The following SLC12A7 variants were observed in gnomAD, a reference collection of about 807,000 sequenced individuals.
The protein encoded by SLC12A7 is solute carrier family 12 member 7, also known as K-Cl cotransporter 4.
SLC12A7 carries 100 observed loss-of-function variants against 120.6 expected under a neutral mutation model. The observed-to-expected ratio is 0.83, with a 90% CI of 0.71 to 0.98. The LOEUF (loss-of-function observed/expected upper bound fraction) is 0.98, where lower values mean the gene tolerates loss of function less well. Among genes scored for constraint, SLC12A7 ranks in the 50% least tolerant of loss-of-function variants. SLC12A7 has a pLI of 0.00. For synonymous variants in SLC12A7, 760 were observed against 678.0 expected, an observed-to-expected ratio of 1.12 and a Z score of -1.88; for missense variants, 1,373 against 1,548.1, an observed-to-expected ratio of 0.89 and a Z score of 1.90.
chr5:1,100,997 C>T (rs1729633189), intron 1 of SLC12A7, among the ~76,000 whole-genome samples: 1 of 152,180 alleles, frequency 6.6e-6, no homozygotes, highest in African/African-American at 2.4e-5. Flanking sequence ...GAGCCCCGCA[C>T]CCATGGCCAG....
intron 3 of SLC12A7, among the ~76,000 whole-genome samples, chr5:1,091,603 A>G (rs1044384926): frequency 2.0e-5 from 3 of 152,206 alleles, no homozygotes; most frequent in Non-Finnish European, 4.4e-5. Flanking sequence ...GGTAGTGCCC[A>G]GCATGCGTGA....
rs573935922 is a variant in SLC12A7 at position 1,065,054 on chromosome 5, GGGGGACAGTGA to G, written c.2437+218_2437+228del. Among the ~76,000 whole-genome samples, 39 of 120,068 alleles carry G rather than the reference GGGGGACAGTGA, an allele frequency of 3.2e-4. No individual in the cohort carries two copies. In the East Asian group the frequency reaches 0.01, roughly 31 times the overall value. 78.8% of individuals were successfully genotyped at this position (120,068 alleles called of 152,430 possible). ...TGAGGGGACAGCGAGGGGAGGCAGA[GGGGGACAGTGA>G]GGGGACAGCAAGGGGACACTGAGGA... is the stretch of plus-strand genomic sequence containing the variant. On this transcript the variant is annotated intron_variant, in intron 18 of 23. Coordinates refer to ENST00000264930, the MANE Select transcript of SLC12A7 (RefSeq NM_006598.3).
At chr5:1,078,967 CGCCACAGAACGGG>C (rs1298285056) in intron 10 of SLC12A7, among the ~76,000 whole-genome samples, 1 of 152,146 alleles carries the variant, frequency 6.6e-6, no homozygotes, top group Non-Finnish European at 1.5e-5. Context: ...CTCTGTCCAG[CGCCACAGAACGGG>C]GCCCTGGGGT....
the SLC12A7 span, among the ~76,000 whole-genome samples, chr5:1,118,530 A>G: frequency 2.6e-5 from 4 of 152,328 alleles, 1 homozygote; most frequent in African/African-American, 9.6e-5. Flanking sequence ...CCCTCGCCAG[A>G]CACAGATGAG....
At chr5:1,058,664 G>T (rs34036146) in intron 21 of SLC12A7, among the ~76,000 whole-genome samples, 3 of 152,124 alleles carry the variant, frequency 2.0e-5, no homozygotes, top group South Asian at 2.1e-4. Context: ...TGGCACAGAT[G>T]GGGGAGGGCC....
chr5:1,106,493 A>C (rs1317647820), intron 1 of SLC12A7, among the ~76,000 whole-genome samples: 2 of 149,656 alleles, frequency 1.3e-5, no homozygotes, highest in Non-Finnish European at 3.0e-5. Flanking sequence ...ATATTCCAAC[A>C]GGGATGGTAA....
intron 20 of SLC12A7, among the ~76,000 whole-genome samples, chr5:1,061,219 C>CGGA (rs1736210646): frequency 5.6e-5 from 1 of 17,870 alleles, no homozygotes; most frequent in African/African-American, 6.7e-5. Context: ...GCGTCTCACC[C>CGGA]ACCGCACCCG....
the SLC12A7 span, among the ~76,000 whole-genome samples, chr5:1,151,969 C>T: frequency 0.013 from 1,989 of 152,284 alleles, 47 homozygotes; most frequent in African/African-American, 0.046. The surrounding 1 kb of genome is among the most constrained non-coding windows in gnomAD (Gnocchi z 6.2). Flanking sequence ...GGGCTGTCAT[C>T]GGCATCCCTT....
chr5:1,073,894 G>A (rs879201252), intron 16 of SLC12A7, 93 bp from the exon 17 acceptor site: 51 of 1,203,774 alleles, frequency 4.2e-5, no homozygotes, highest in African/African-American at 3.3e-4. Context: ...CGGGGCACAC[G>A]ACACAGGTGG....
chr5:1,147,593 C>T, the SLC12A7 span, among the ~76,000 whole-genome samples: 3 of 152,188 alleles, frequency 2.0e-5, no homozygotes, highest in Non-Finnish European at 4.4e-5. Flanking sequence ...GCCTTCACGT[C>T]TTCAGCTTAA....
chr5:1,076,093 G>A (rs762256591), intron 14 of SLC12A7, 45 bp downstream of exon 14: 1 of 1,521,308 alleles, frequency 6.6e-7, no homozygotes, highest in Non-Finnish European at 9.0e-7. Context: ...GGCACCCAGT[G>A]TCCCAGCCTG....
At chr5:1,091,767 G>A (rs965125914) in intron 3 of SLC12A7, among the ~76,000 whole-genome samples, 1 of 150,102 alleles carries the variant, frequency 6.7e-6, no homozygotes, top group East Asian at 2.0e-4. Context: ...CAGCGTCCAC[G>A]TGCAGAAAGG....
intron 22 of SLC12A7, chr5:1,056,451 G>A (rs1475359363): frequency 1.8e-5 from 5 of 279,642 alleles, no homozygotes; most frequent in Non-Finnish European, 2.2e-5. Flanking sequence ...GTACGCGGAC[G>A]CACACAAGCC....
the SLC12A7 span, among the ~76,000 whole-genome samples, chr5:1,153,247 G>A: frequency 1.3e-5 from 2 of 152,204 alleles, no homozygotes; most frequent in African/African-American, 2.4e-5. Context: ...CAGCCTCCAA[G>A]CACCCACCCC....
chr5:1,114,700 G>A (rs1394620715), upstream of SLC12A7, among the ~76,000 whole-genome samples: 3 of 152,068 alleles, frequency 2.0e-5, no homozygotes, highest in South Asian at 2.1e-4. Context: ...GCGTCTCCTG[G>A]AAGTGGGCAC....
chr5:1,055,780 C>T (rs1039367916), intron 22 of SLC12A7, among the ~76,000 whole-genome samples: 6 of 152,246 alleles, frequency 3.9e-5, no homozygotes, highest in African/African-American at 1.2e-4. Flanking sequence ...TTAATTAACA[C>T]GCTATTCTGA....
chr5:1,078,092 G>A, intron 11 of SLC12A7, 85 bp from the exon 12 acceptor site: 2 of 1,447,206 alleles, frequency 1.4e-6, no homozygotes, highest in Middle Eastern at 1.8e-4. Context: ...CAGAGCGAGG[G>A]GCCCAGTGCA....
In SLC12A7 at chr5:1,064,053, C is replaced by T. The variant is rs770967010; in HGVS notation, c.2607+30G>A. ...CGCAGCACGTGGGGTGGCCGTGCTC[C>T]GGCTGGCGTGTCCCCGTCGCACGCC... On this transcript the variant is annotated intron_variant, in intron 19 of 23. Coordinates refer to ENST00000264930, the MANE Select transcript of SLC12A7 (RefSeq NM_006598.3). The T allele has an allele frequency of 4.0e-5, 64 of 1,600,144 alleles. No individual in the cohort carries two copies. The South Asian group carries it at 4.8e-4, about 12-fold the overall frequency.
the SLC12A7 span, among the ~76,000 whole-genome samples, chr5:1,147,713 C>G: frequency 6.6e-6 from 1 of 152,180 alleles, no homozygotes; most frequent in African/African-American, 2.4e-5. Flanking sequence ...CTGATTTATG[C>G]CTTTGCCTGT....
Sources: gnomAD v4.1 joint callset for allele counts (sites outside exome capture counted in the v4.1 genomes callset) on GRCh38, gnomAD v4.1.1 for gene constraint, Gnocchi (gnomAD v3.1) non-coding constraint, MANE v1.5 for transcripts, NCBI Gene and HGNC (gene_info 2026-07-23, HGNC 2026-07-21) for gene names.